KCNS3: variants seen among roughly 807,000 people sequenced by gnomAD.
KCNS3 encodes delayed-rectifier potassium channel regulatory subunit KCNS3.
Under a neutral mutation model 31.0 loss-of-function variants are expected in KCNS3, and 13 were observed. That is an observed-to-expected ratio of 0.42 (90% CI 0.27 to 0.67). The LOEUF is 0.67. Ranked by LOEUF, KCNS3 falls within the 30% of genes least tolerant of loss-of-function variation. The pLI is 0.25. For missense variants in KCNS3, 545 were observed against 622.4 expected, an observed-to-expected ratio of 0.88 and a Z score of 1.32; for synonymous variants, 238 against 241.5, an observed-to-expected ratio of 0.99 and a Z score of 0.13.
At chr2:17,883,469 T>C (rs1365709491) in intron 1 of KCNS3, among the ~76,000 whole-genome samples, 4 of 151,950 alleles carry the variant, frequency 2.6e-5, no homozygotes, top group Non-Finnish European at 4.4e-5. Context: ...ATTTAAGTAG[T>C]GGTAAGTTCT....
chr2:17,930,993 G>A lies in KCNS3; in HGVS notation c.-16G>A. ...CTTCTCCCTTGCCAGCCAGCACTCT[G>A]CCTTCTGTATCCACCATGGTGTTTG... is the stretch of plus-strand genomic sequence containing the variant. On this transcript the variant is annotated 5_prime_UTR_variant, in exon 3 of 3. Coordinates refer to ENST00000304101, the MANE Select transcript of KCNS3 (RefSeq NM_002252.5). 1 of 1,606,898 alleles carries A rather than the reference G, an allele frequency of 6.2e-7. No individual in the cohort carries two copies. Among genetic ancestry groups the A allele is most frequent in the African/African-American group, 1.3e-5 (1 of 74,900 alleles).
In KCNS3 at chr2:17,925,024, G is replaced by A. The variant is rs544686074; in HGVS notation, c.-59-5926G>A. 2.6e-4 allele frequency among the ~76,000 whole-genome samples: 40 copies of A among 152,214 alleles called. No individual in the cohort carries two copies. In the South Asian group the frequency reaches 6.4e-3, roughly 24 times the overall value. On this transcript the variant is annotated intron_variant, in intron 2 of 2. Coordinates refer to ENST00000304101, the MANE Select transcript of KCNS3 (RefSeq NM_002252.5). Reference sequence around the variant, plus strand: ...CTGTATCTTTACTTGTTAATAAATAGGTTTATTCAGATTTCCTTTTTCTTC... The same window carrying A: ...CTGTATCTTTACTTGTTAATAAATAAGTTTATTCAGATTTCCTTTTTCTTC...
At chr2:17,907,548 C>A (rs1354123872) in intron 1 of KCNS3, among the ~76,000 whole-genome samples, 1 of 152,170 alleles carries the variant, frequency 6.6e-6, no homozygotes, top group Non-Finnish European at 1.5e-5. Context: ...CAGTTTATTC[C>A]TAGCATCGAT....
chr2:17,896,220 T>C (rs924400540), intron 1 of KCNS3, among the ~76,000 whole-genome samples: 6 of 152,030 alleles, frequency 3.9e-5, no homozygotes, highest in Non-Finnish European at 7.4e-5. Flanking sequence ...TTTTTTATTT[T>C]TATTTTTTTG....
At chr2:17,912,333 C>A (rs961498946) in intron 1 of KCNS3, among the ~76,000 whole-genome samples, 1 of 152,204 alleles carries the variant, frequency 6.6e-6, no homozygotes, top group African/African-American at 2.4e-5. Context: ...TCTTTATCGG[C>A]CTGTGTTAGT....
At chr2:17,916,097 G>A (rs899406781) in intron 1 of KCNS3, among the ~76,000 whole-genome samples, 6 of 152,168 alleles carry the variant, frequency 3.9e-5, no homozygotes, top group African/African-American at 1.2e-4. Context: ...TAGAAATGCT[G>A]CATAGCCTAA....
chr2:17,909,530 C>T (rs1406888707), intron 1 of KCNS3, among the ~76,000 whole-genome samples: 4 of 152,166 alleles, frequency 2.6e-5, no homozygotes, highest in Non-Finnish European at 5.9e-5. Context: ...ATGCAGAAAT[C>T]ACTCGTCTTC....
At chr2:17,920,991 G>A (rs1386240527) in intron 2 of KCNS3, among the ~76,000 whole-genome samples, 6 of 152,194 alleles carry the variant, frequency 3.9e-5, no homozygotes, top group African/African-American at 9.7e-5. Flanking sequence ...GTCCCCATTT[G>A]CAACACGGGA....
chr2:17,879,741 C>T (rs1445195072), intron 1 of KCNS3, among the ~76,000 whole-genome samples: 1 of 152,192 alleles, frequency 6.6e-6, no homozygotes, highest in Non-Finnish European at 1.5e-5. Flanking sequence ...TTCTTGATGT[C>T]TCCCCCCGGT....
chr2:17,928,772 A>G lies in KCNS3; in HGVS notation c.-59-2178A>G, dbSNP rs184603549. On this transcript the variant is annotated intron_variant, in intron 2 of 2. Transcript: ENST00000304101. ...CTTTCTGACCTTTCTGCTCCCTTTA[A>G]TGGTGTTACTGTCTGCCCACTTTTA... is the stretch of plus-strand genomic sequence containing the variant. 1.9e-4 allele frequency among the ~76,000 whole-genome samples: 29 copies of G among 151,620 alleles called. 1 individual carries two copies. Among genetic ancestry groups the G allele is most frequent in the African/African-American group, 6.8e-4 (28 of 41,296 alleles).
intron 1 of KCNS3, among the ~76,000 whole-genome samples, chr2:17,888,274 GT>G (rs77756074): frequency 0.029 from 4,344 of 152,144 alleles, 111 homozygotes; most frequent in African/African-American, 0.073. Context: ...ATCTAGAAGA[GT>G]TTTTCCATTG....
At chr2:17,893,450 C>T (rs1013957973) in intron 1 of KCNS3, among the ~76,000 whole-genome samples, 2 of 152,204 alleles carry the variant, frequency 1.3e-5, no homozygotes, top group Non-Finnish European at 2.9e-5. Flanking sequence ...GGCTTCTCGC[C>T]CCGTTCAAAT....
chr2:17,880,503 A>G (rs1674620387), intron 1 of KCNS3, among the ~76,000 whole-genome samples: 2 of 152,218 alleles, frequency 1.3e-5, no homozygotes, highest in Admixed American at 6.5e-5. Context: ...GATCCGGAGA[A>G]GGTCATATGA....
At chr2:17,911,046 C>A (rs918062289) in intron 1 of KCNS3, among the ~76,000 whole-genome samples, 1 of 152,160 alleles carries the variant, frequency 6.6e-6, no homozygotes, top group East Asian at 1.9e-4. Context: ...TTTACTTGTT[C>A]ATACCTGACT....
chr2:17,902,192 C>T (rs1397015034), intron 1 of KCNS3, among the ~76,000 whole-genome samples: 3 of 152,100 alleles, frequency 2.0e-5, no homozygotes, highest in African/African-American at 4.8e-5. Context: ...AGTGTCCTTT[C>T]GGTTTGGTCA....
chr2:17,878,002 G>C (rs1242355251), upstream of KCNS3: 2 of 152,308 alleles, frequency 1.3e-5, no homozygotes, highest in African/African-American at 4.8e-5. Flanking sequence ...CTACATATGA[G>C]GCGCATCTGC....
intron 1 of KCNS3, among the ~76,000 whole-genome samples, chr2:17,905,223 G>T (rs1226838059): frequency 6.6e-6 from 1 of 152,126 alleles, no homozygotes; most frequent in Non-Finnish European, 1.5e-5. Flanking sequence ...TTTGAAGCAA[G>T]TGCGAATGGG....
At chr2:17,922,792 T>C (rs1662747483) in intron 2 of KCNS3, among the ~76,000 whole-genome samples, 1 of 152,214 alleles carries the variant, frequency 6.6e-6, no homozygotes, top group Non-Finnish European at 1.5e-5. Context: ...TAGACCTTTT[T>C]CATTAGCATA....
rs199829330 is a variant in KCNS3, at chr2:17,932,339, A to G, written c.1331A>G (p.Tyr444Cys). The change falls in exon 3 of 3, where the codon TAT becomes TGT. Residue 444 changes from tyrosine to cysteine, a missense_variant. Coordinates refer to ENST00000304101, the MANE Select transcript of KCNS3 (RefSeq NM_002252.5). ...CCTTACTTTAACATTAGGGATATAT[A>G]TGCACAGCGGATGCACACCTTCATT... ...ELPYFNIRDI[Y>C]AQRMHTFITS... 4.3e-5 allele frequency: 69 copies of G among 1,613,938 alleles called. No individual in the cohort carries two copies. The highest frequency in any genetic ancestry group is 1.7e-6 in the Non-Finnish European group (2 of 1,179,980).
Sources: gnomAD v4.1 joint callset for allele counts (sites outside exome capture counted in the v4.1 genomes callset) on GRCh38, gnomAD v4.1.1 for gene constraint, MANE v1.5 for transcripts, NCBI Gene and HGNC (gene_info 2026-07-23, HGNC 2026-07-21) for gene names.